Variants in BMERB1 observed in about 807,000 individuals in gnomAD.
BMERB1 encodes the protein bMERB domain-containing protein 1.
In BMERB1, 12 loss-of-function variants were observed where a neutral mutation model predicts 23.6. That is an observed-to-expected ratio of 0.51 (90% CI 0.33 to 0.82). The LOEUF is 0.82. Among genes scored for constraint, BMERB1 ranks in the 40% least tolerant of loss-of-function variants. The pLI, the probability that BMERB1 is intolerant of heterozygous loss-of-function variation, is 0.03. For synonymous variants in BMERB1, 122 were observed against 96.6 expected, an observed-to-expected ratio of 1.26 and a Z score of -1.54; for missense variants, 247 against 255.4, an observed-to-expected ratio of 0.97 and a Z score of 0.22.
chr16:15,587,062 G>T lies in BMERB1; in HGVS notation c.*233G>T. ...CCTCCCCAGAGCATGCCGAACCCAG[G>T]AGTCTGTCTCACTGTTTATCCAAAC... On this transcript the variant is annotated 3_prime_UTR_variant, in exon 6 of 6. Transcript: ENST00000300006. 1 of 514,216 alleles carries T rather than the reference G, an allele frequency of 1.9e-6. No individual in the cohort carries two copies. The highest frequency in any genetic ancestry group is 3.4e-6 in the Non-Finnish European group (1 of 291,494). The allele number at this position is 514,216 out of a possible 1,614,324, so 31.9% of individuals were successfully genotyped here.
At chr16:15,508,531 A>G (rs1053331168) in intron 1 of BMERB1, among the ~76,000 whole-genome samples, 3 of 152,100 alleles carry the variant, frequency 2.0e-5, no homozygotes, top group Non-Finnish European at 4.4e-5. Flanking sequence ...GGCCTAAGGT[A>G]TTGTGCAGAC....
At chr16:15,545,197 TCCTGACCTCAAGTGATCCA>T (rs904952067) in intron 2 of BMERB1, among the ~76,000 whole-genome samples, 13 of 152,174 alleles carry the variant, frequency 8.5e-5, no homozygotes, top group African/African-American at 2.6e-4. Context: ...GGTCTCGAAC[TCCTGACCTCAAGTGATCCA>T]CCTGCCTCGG....
At position 15,587,799 on chromosome 16, in the gene BMERB1, A is replaced by G. The variant is rs1048364942; in HGVS notation, c.*970A>G. On this transcript the variant is annotated 3_prime_UTR_variant, in exon 6 of 6. Coordinates refer to ENST00000300006, the MANE Select transcript of BMERB1 (RefSeq NM_033201.3). ...GTTAACTAGCTGCCAAACAACTTCA[A>G]CCCGTGTAATTCATGTACATTTGCA... The G allele has an allele frequency of 7.6e-6, 2 of 262,736 alleles. No homozygotes were observed. The highest frequency in any genetic ancestry group is 2.3e-5 in the African/African-American group (1 of 44,088). 16.3% of individuals were successfully genotyped at this position (262,736 alleles called of 1,614,324 possible).
At chr16:15,576,978 G>A (rs576250726) in intron 3 of BMERB1, among the ~76,000 whole-genome samples, 1 of 152,286 alleles carries the variant, frequency 6.6e-6, no homozygotes, top group Non-Finnish European at 1.5e-5. Flanking sequence ...AGCTTGAGGA[G>A]GTGGTGTCTG....
At chr16:15,456,077 G>A (rs2051085211) in intron 1 of BMERB1, among the ~76,000 whole-genome samples, 1 of 152,078 alleles carries the variant, frequency 6.6e-6, no homozygotes, top group Non-Finnish European at 1.5e-5. Flanking sequence ...AGTAATAGAT[G>A]CTCATTATAA....
intron 3 of BMERB1, among the ~76,000 whole-genome samples, chr16:15,573,201 C>T (rs372801092): frequency 4.6e-5 from 7 of 152,274 alleles, no homozygotes; most frequent in African/African-American, 1.7e-4. Flanking sequence ...GAGGACTGGG[C>T]AGCTAATGCT....
intron 1 of BMERB1, among the ~76,000 whole-genome samples, chr16:15,452,474 C>A (rs931573331): frequency 2.0e-5 from 3 of 152,046 alleles, no homozygotes; most frequent in East Asian, 3.9e-4. Context: ...ATCAGTCCCA[C>A]TCTTTTGCAT....
chr16:15,493,642 C>T (rs190620247), intron 1 of BMERB1, among the ~76,000 whole-genome samples: 4 of 152,132 alleles, frequency 2.6e-5, no homozygotes, highest in Admixed American at 6.6e-5. Flanking sequence ...GAACTGGACC[C>T]GTTCACGCCT....
chr16:15,569,205 G>C (rs899477851), intron 3 of BMERB1, among the ~76,000 whole-genome samples: 1 of 152,072 alleles, frequency 6.6e-6, no homozygotes, highest in Admixed American at 6.6e-5. Context: ...GACAGAGCGA[G>C]ACTCCGACTC....
chr16:15,459,342 TA>T lies in BMERB1; in HGVS notation c.106+24596del, dbSNP rs77131287. Among the ~76,000 whole-genome samples the T allele has an allele frequency of 8.9e-3, 1,227 of 138,502 alleles. 14 individuals carry two copies. Among genetic ancestry groups the T allele is most frequent in the African/African-American group, 0.028 (1,050 of 37,900 alleles). The allele number at this position is 138,502 out of a possible 152,430, so 90.9% of individuals were successfully genotyped here. ...ACAGGCAAAGATCGTCAGACTGGAT[TA>T]AAAAAAAAAAAACACCAGGATCCAA... On this transcript the variant is annotated intron_variant, in intron 1 of 5. Coordinates refer to ENST00000300006, the MANE Select transcript of BMERB1 (RefSeq NM_033201.3).
At chr16:15,496,609 G>A (rs2051475713) in intron 1 of BMERB1, among the ~76,000 whole-genome samples, 1 of 151,852 alleles carries the variant, frequency 6.6e-6, no homozygotes, top group Non-Finnish European at 1.5e-5. Flanking sequence ...TGCGATCTTG[G>A]CTCACTACAA....
intron 2 of BMERB1, among the ~76,000 whole-genome samples, chr16:15,563,740 G>A (rs908059877): frequency 3.3e-5 from 5 of 152,070 alleles, no homozygotes; most frequent in Admixed American, 2.0e-4. Flanking sequence ...ACCAGATCTC[G>A]TGAGAACTCA....
chr16:15,451,970 ATCC>A (rs1201230615), intron 1 of BMERB1, among the ~76,000 whole-genome samples: 1 of 151,796 alleles, frequency 6.6e-6, no homozygotes, highest in Non-Finnish European at 1.5e-5. Context: ...GTATCTGGAA[ATCC>A]TTCCAGAATT....
chr16:15,489,695 T>C (rs1038361395), intron 1 of BMERB1, among the ~76,000 whole-genome samples: 2 of 152,134 alleles, frequency 1.3e-5, no homozygotes, highest in African/African-American at 4.8e-5. Context: ...CCATGACTCA[T>C]GGTGGAGTTT....
At chr16:15,515,760 A>T (rs538812587) in intron 2 of BMERB1, among the ~76,000 whole-genome samples, 1 of 152,244 alleles carries the variant, frequency 6.6e-6, no homozygotes, top group African/African-American at 2.4e-5. Context: ...CTGCTCTCAG[A>T]TAGGCCTGAG....
intron 1 of BMERB1, among the ~76,000 whole-genome samples, chr16:15,466,450 A>G (rs2051181448): frequency 6.6e-6 from 1 of 151,006 alleles, no homozygotes. Context: ...TGTCATAGGT[A>G]TTTTTTGTAT....
At chr16:15,578,599 T>G (rs901414135) in intron 3 of BMERB1, among the ~76,000 whole-genome samples, 5 of 152,144 alleles carry the variant, frequency 3.3e-5, no homozygotes, top group African/African-American at 1.2e-4. Flanking sequence ...GACCGGGGGC[T>G]TGTAAACAAC....
intron 1 of BMERB1, among the ~76,000 whole-genome samples, chr16:15,485,073 G>A (rs962561501): frequency 1.3e-5 from 2 of 152,214 alleles, no homozygotes; most frequent in Non-Finnish European, 2.9e-5. Context: ...TCCCAACAGA[G>A]AGAGATCGTT....
intron 2 of BMERB1, among the ~76,000 whole-genome samples, chr16:15,558,711 T>TG (rs61055487): frequency 0.076 from 11,491 of 151,526 alleles, 1,296 homozygotes; most frequent in African/African-American, 0.24. Context: ...AGGAAGCCGG[T>TG]GGGGGGGTTA....
Sources: allele counts gnomAD v4.1 joint callset (sites outside exome capture counted in the v4.1 genomes callset), GRCh38; gene constraint gnomAD v4.1.1; transcripts MANE v1.5; gene names NCBI Gene and HGNC (gene_info 2026-07-23, HGNC 2026-07-21).